Variants in S100Z observed in about 807,000 individuals in gnomAD.
S100Z encodes protein S100-Z.
S100Z carries 11 observed loss-of-function variants against 8.5 expected under a neutral mutation model. The observed-to-expected ratio is 1.30, with a 90% CI of 0.82 to 2.15. The LOEUF is 2.15. Ranked by LOEUF, S100Z falls within the 30% of genes most tolerant of loss-of-function variation. The probability of loss-of-function intolerance (pLI) is 0.00; values close to 1 mark genes in which losing one functional copy is unlikely to be tolerated. For synonymous variants in S100Z, 34 were observed against 43.8 expected, an observed-to-expected ratio of 0.78 and a Z score of 0.89; for missense variants, 126 against 117.9, an observed-to-expected ratio of 1.07 and a Z score of -0.32.
At chr5:76,939,307 C>A in the S100Z span, among the ~76,000 whole-genome samples, 1 of 151,834 alleles carries the variant, frequency 6.6e-6, no homozygotes, top group African/African-American at 2.4e-5. Context: ...CGCCCACCAC[C>A]ACGCCTGGCT....
chr5:76,946,344 G>C, the S100Z span, among the ~76,000 whole-genome samples: 3 of 152,154 alleles, frequency 2.0e-5, no homozygotes, highest in African/African-American at 7.2e-5. Flanking sequence ...CTTTTGGGCA[G>C]TTCCTAATTA....
intron 4 of S100Z, among the ~76,000 whole-genome samples, chr5:76,914,885 G>A (rs1028072984): frequency 3.9e-5 from 6 of 152,052 alleles, no homozygotes; most frequent in African/African-American, 9.7e-5. Context: ...AAGAAACTCC[G>A]GATACATCTG....
intron 1 of S100Z, among the ~76,000 whole-genome samples, chr5:76,863,324 G>C (rs1751120970): frequency 6.6e-6 from 1 of 152,290 alleles, no homozygotes; most frequent in East Asian, 1.9e-4. Context: ...TCACACAGTG[G>C]TCCTTAACAC....
chr5:76,912,348 C>G (rs543014115), intron 4 of S100Z, among the ~76,000 whole-genome samples: 30 of 152,310 alleles, frequency 2.0e-4, no homozygotes, highest in Admixed American at 5.2e-4. Flanking sequence ...CAGACTTATG[C>G]CACCCGAGAT....
At chr5:76,899,876 G>T in intron 4 of S100Z, among the ~76,000 whole-genome samples, 1 of 152,050 alleles carries the variant, frequency 6.6e-6, no homozygotes, top group South Asian at 2.1e-4. Context: ...GCTCATTATT[G>T]TCCTTTTCTT....
chr5:76,942,132 G>T, the S100Z span, among the ~76,000 whole-genome samples: 97,958 of 151,494 alleles, frequency 0.65, 31,906 homozygotes, highest in South Asian at 0.76. Flanking sequence ...TTATTATTTT[G>T]TAGACAGAGT....
At chr5:76,892,283 G>T (rs1743888416) in intron 4 of S100Z, among the ~76,000 whole-genome samples, 1 of 152,100 alleles carries the variant, frequency 6.6e-6, no homozygotes, top group African/African-American at 2.4e-5. Context: ...GGATGGTATG[G>T]TTGTAGACCA....
chr5:76,918,362 A>G (rs1580069816), intron 4 of S100Z, among the ~76,000 whole-genome samples: 1 of 152,130 alleles, frequency 6.6e-6, no homozygotes, highest in South Asian at 2.1e-4. Flanking sequence ...GCGTGCCACT[A>G]TGCCTGGCTA....
intron 4 of S100Z, among the ~76,000 whole-genome samples, chr5:76,892,477 C>T (rs996874860): frequency 3.3e-5 from 5 of 151,922 alleles, no homozygotes; most frequent in Admixed American, 6.6e-5. Flanking sequence ...GGTGTAAAAC[C>T]GAAGAAAATG....
intron 4 of S100Z, among the ~76,000 whole-genome samples, chr5:76,899,077 G>A (rs111598451): frequency 1.3e-5 from 2 of 151,782 alleles, no homozygotes; most frequent in African/African-American, 4.8e-5. Context: ...CCTAGTAGCT[G>A]GGATTACAGA....
At chr5:76,949,281 C>T in the S100Z span, among the ~76,000 whole-genome samples, 6 of 151,786 alleles carry the variant, frequency 4.0e-5, no homozygotes, top group East Asian at 7.7e-4. Context: ...ACCAGCTACT[C>T]GGGAGGCTGA....
intron 4 of S100Z, among the ~76,000 whole-genome samples, chr5:76,919,662 AG>A (rs2150688828): frequency 6.9e-6 from 1 of 145,308 alleles, no homozygotes; most frequent in East Asian, 2.0e-4. Context: ...CCCAGGCTGT[AG>A]GGTAGTGATC....
downstream of S100Z, among the ~76,000 whole-genome samples, chr5:76,922,953 T>G (rs1364836978): frequency 2.0e-5 from 3 of 151,606 alleles, no homozygotes; most frequent in Admixed American, 1.3e-4. Flanking sequence ...GTCAGCTGAG[T>G]TTTAGCAAGC....
At chr5:76,874,249 T>C (rs1743104351) in intron 2 of S100Z, among the ~76,000 whole-genome samples, 1 of 152,062 alleles carries the variant, frequency 6.6e-6, no homozygotes, top group African/African-American at 2.4e-5. Flanking sequence ...TACTATGAAT[T>C]TACTCCCTTG....
chr5:76,948,414 ATACT>A, the S100Z span, among the ~76,000 whole-genome samples: 4 of 152,180 alleles, frequency 2.6e-5, no homozygotes, highest in African/African-American at 7.2e-5. Context: ...ATGGGAGAAA[ATACT>A]TACCAACCAT....
intron 1 of S100Z, among the ~76,000 whole-genome samples, chr5:76,854,067 A>T (rs1221416597): frequency 3.3e-5 from 5 of 152,212 alleles, no homozygotes; most frequent in African/African-American, 9.6e-5. Flanking sequence ...GAAGCCAAGC[A>T]GATGCTGCTA....
intron 1 of S100Z, among the ~76,000 whole-genome samples, chr5:76,859,022 G>T (rs1750970174): frequency 6.6e-6 from 1 of 152,176 alleles, no homozygotes; most frequent in African/African-American, 2.4e-5. Context: ...GCTGAGGCAT[G>T]AGAATCTCTT....
At chr5:76,933,963 A>G in the S100Z span, among the ~76,000 whole-genome samples, 1 of 152,230 alleles carries the variant, frequency 6.6e-6, no homozygotes, top group African/African-American at 2.4e-5. Context: ...CAGATACTGC[A>G]TATAAGTGGA....
intron 1 of S100Z, among the ~76,000 whole-genome samples, chr5:76,869,586 G>A (rs983759076): frequency 5.9e-5 from 9 of 152,196 alleles, no homozygotes; most frequent in African/African-American, 2.2e-4. Context: ...TTCTCTGACA[G>A]CAGAATAGAC....
Sources: allele counts gnomAD v4.1 joint callset (sites outside exome capture counted in the v4.1 genomes callset), GRCh38; gene constraint gnomAD v4.1.1; transcripts MANE v1.5; gene names NCBI Gene and HGNC (gene_info 2026-07-23, HGNC 2026-07-21).